The following CALN1 variants were observed in gnomAD, a reference collection of about 807,000 sequenced individuals.
CALN1 encodes the protein calcium-binding protein 8.
Under a neutral mutation model 30.6 loss-of-function variants are expected in CALN1, and 17 were observed. That is an observed-to-expected ratio of 0.56 (90% CI 0.38 to 0.83). The LOEUF (loss-of-function observed/expected upper bound fraction) is 0.83, where lower values mean the gene tolerates loss of function less well. CALN1 is among the 40% of genes least tolerant of loss of function. CALN1 has a pLI of 0.00. For synonymous variants in CALN1, 156 were observed against 131.4 expected, an observed-to-expected ratio of 1.19 and a Z score of -1.28; for missense variants, 291 against 354.9, an observed-to-expected ratio of 0.82 and a Z score of 1.45.
At chr7:72,027,823 C>T (rs1304614350) in intron 4 of CALN1, among the ~76,000 whole-genome samples, 2 of 151,096 alleles carry the variant, frequency 1.3e-5, no homozygotes, top group Non-Finnish European at 2.9e-5. Context: ...TTTGGGAGGC[C>T]GAGGTGGGCG....
At chr7:71,972,305 G>A (rs949203619) in intron 5 of CALN1, among the ~76,000 whole-genome samples, 1 of 152,134 alleles carries the variant, frequency 6.6e-6, no homozygotes, top group African/African-American at 2.4e-5. Flanking sequence ...GCACGCTCAG[G>A]GAGAAGAAAC....
chr7:72,199,422 C>T (rs13227753), intron 3 of CALN1, among the ~76,000 whole-genome samples: 3,315 of 152,324 alleles, frequency 0.022, 54 homozygotes, highest in Non-Finnish European at 0.038. Context: ...CTAGAAGGAA[C>T]TGGCCAAGCA....
chr7:71,994,733 CAGA>C (rs1799157235), intron 5 of CALN1, among the ~76,000 whole-genome samples: 1 of 151,982 alleles, frequency 6.6e-6, no homozygotes, highest in African/African-American at 2.4e-5. Flanking sequence ...TGCTGAAATG[CAGA>C]AGGTTTCATA....
At chr7:72,132,865 G>A (rs567657775) in intron 3 of CALN1, among the ~76,000 whole-genome samples, 83 of 152,222 alleles carry the variant, frequency 5.5e-4, no homozygotes, top group African/African-American at 2.0e-3. Flanking sequence ...GTTAGGAACC[G>A]GGCTGCAGAG....
chr7:72,237,486 C>A (rs970489621), intron 3 of CALN1, among the ~76,000 whole-genome samples: 2 of 152,150 alleles, frequency 1.3e-5, no homozygotes, highest in African/African-American at 4.8e-5. Context: ...GAGCAGAGGA[C>A]TAGAGAGAGC....
chr7:72,317,622 G>C (rs889951055), intron 2 of CALN1, among the ~76,000 whole-genome samples: 5 of 152,168 alleles, frequency 3.3e-5, no homozygotes. Flanking sequence ...GCCACTCAGA[G>C]AAGAACCTGT....
intron 2 of CALN1, among the ~76,000 whole-genome samples, chr7:72,331,668 T>C (rs1416871352): frequency 6.6e-6 from 1 of 152,210 alleles, no homozygotes; most frequent in African/African-American, 2.4e-5. Context: ...TCATTTTATT[T>C]TTTTTCCAAC....
At chr7:72,329,903 G>A (rs374805999) in intron 2 of CALN1, among the ~76,000 whole-genome samples, 4 of 152,092 alleles carry the variant, frequency 2.6e-5, no homozygotes, top group South Asian at 2.1e-4. Flanking sequence ...GCAGTGAGCC[G>A]AGATCGCGCC....
chr7:71,878,606 G>T (rs1052220838), intron 5 of CALN1, among the ~76,000 whole-genome samples: 1 of 152,116 alleles, frequency 6.6e-6, no homozygotes, highest in Admixed American at 6.5e-5. Flanking sequence ...CAGCTGAAAT[G>T]GAAGTGGATT....
intron 2 of CALN1, among the ~76,000 whole-genome samples, chr7:72,395,099 C>T (rs796585227): frequency 1.1e-4 from 16 of 152,274 alleles, no homozygotes; most frequent in African/African-American, 3.8e-4. Flanking sequence ...AAGTACTAAC[C>T]TACCTCCCCA....
chr7:72,196,997 G>C (rs946432628), intron 3 of CALN1, among the ~76,000 whole-genome samples: 1 of 152,074 alleles, frequency 6.6e-6, no homozygotes, highest in African/African-American at 2.4e-5. Flanking sequence ...AAACTCTCTA[G>C]AGAAATGAGT....
intron 5 of CALN1, among the ~76,000 whole-genome samples, chr7:71,859,297 A>G (rs1204345897): frequency 1.3e-5 from 2 of 152,086 alleles, no homozygotes; most frequent in African/African-American, 2.4e-5. Context: ...TCCTGACCTC[A>G]AGCAATCTGC....
chr7:72,436,062 C>T (rs1808148443), intron 1 of CALN1, among the ~76,000 whole-genome samples: 1 of 152,176 alleles, frequency 6.6e-6, no homozygotes, highest in South Asian at 2.1e-4. Flanking sequence ...CTGTGATTCC[C>T]TCTCCATAGA....
chr7:71,863,251 C>CCT (rs571718813), intron 5 of CALN1, among the ~76,000 whole-genome samples: 3 of 147,526 alleles, frequency 2.0e-5, no homozygotes, highest in Non-Finnish European at 3.0e-5. Context: ...TGAGTGAGAC[C>CCT]CTCTCTCTCT....
At chr7:72,390,807 T>TG (rs1805531943) in intron 2 of CALN1, among the ~76,000 whole-genome samples, 2 of 152,340 alleles carry the variant, frequency 1.3e-5, no homozygotes, top group African/African-American at 4.8e-5. Flanking sequence ...CATGTGTTAT[T>TG]ATATCAACAC....
chr7:71,947,934 CA>C (rs5884865), intron 5 of CALN1, among the ~76,000 whole-genome samples: 48 of 137,730 alleles, frequency 3.5e-4, no homozygotes, highest in South Asian at 7.2e-4. Flanking sequence ...GACTCCGTCT[CA>C]AAAAAAAAAA....
intron 5 of CALN1, among the ~76,000 whole-genome samples, chr7:72,023,288 G>C (rs1800812779): frequency 6.6e-6 from 1 of 152,180 alleles, no homozygotes; most frequent in African/African-American, 2.4e-5. Flanking sequence ...GGATCCAAAT[G>C]TACCAGGCAA....
chr7:72,409,603 C>T (rs573097402), intron 1 of CALN1, among the ~76,000 whole-genome samples: 6 of 152,016 alleles, frequency 3.9e-5, no homozygotes, highest in East Asian at 3.9e-4. Context: ...TGGATTTGAT[C>T]CCTTTCAAAG....
intron 5 of CALN1, among the ~76,000 whole-genome samples, chr7:72,006,617 A>C (rs1190248115): frequency 6.6e-6 from 1 of 152,184 alleles, no homozygotes; most frequent in East Asian, 1.9e-4. Flanking sequence ...TACCCAGTGA[A>C]AACAAATAAA....
Sources: gnomAD v4.1 joint callset for allele counts (sites outside exome capture counted in the v4.1 genomes callset) on GRCh38, gnomAD v4.1.1 for gene constraint, MANE v1.5 for transcripts, NCBI Gene and HGNC (gene_info 2026-07-23, HGNC 2026-07-21) for gene names.